The following BMP1 variants were observed in gnomAD, a reference collection of about 807,000 sequenced individuals.
BMP1 encodes the protein bone morphogenetic protein 1, also known as mammalian tolloid protein.
Under a neutral mutation model 116.8 loss-of-function variants are expected in BMP1, and 63 were observed. That is an observed-to-expected ratio of 0.54 (90% CI 0.44 to 0.67). The LOEUF (loss-of-function observed/expected upper bound fraction) is 0.67, where lower values mean the gene tolerates loss of function less well. BMP1 is among the 30% of genes least tolerant of loss of function. The pLI, the probability that BMP1 is intolerant of heterozygous loss-of-function variation, is 0.00. For missense variants in BMP1, 1,183 were observed against 1,358.9 expected, an observed-to-expected ratio of 0.87 and a Z score of 2.04; for synonymous variants, 536 against 533.4, an observed-to-expected ratio of 1.00 and a Z score of -0.07.
chr8:22,192,375 C>A (rs1170258216), intron 9 of BMP1: 1 of 472,496 alleles, frequency 2.1e-6, no homozygotes, highest in Non-Finnish European at 3.9e-6. Context: ...AGTACCCAGT[C>A]CAGACTTCTG....
chr8:22,206,801 C>A, intron 16 of BMP1, 53 bp from the exon 17 acceptor site: 1 of 1,610,502 alleles, frequency 6.2e-7, no homozygotes, highest in South Asian at 1.1e-5. Flanking sequence ...CCACAGGAGG[C>A]ATCGGAGCTT....
intron 13 of BMP1, 129 bp from the exon 14 acceptor site, chr8:22,196,551 C>T (rs1360343682): frequency 4.0e-5 from 56 of 1,403,268 alleles, no homozygotes; most frequent in South Asian, 1.2e-4. Context: ...AGGGACCAGA[C>T]ACAGGTCCCT....
Position 22,192,063 on chromosome 8 carries a change from C to CA in BMP1, c.1093dup (p.Thr365AsnfsTer39). ...TGTTGCCCTAGATCATCCTGAACTT[C>CA]ACGTCCCTGGACCTGTACCGCAGCC... On this transcript the variant is annotated frameshift_variant, in exon 9 of 20. Transcript: ENST00000306385. LOFTEE classifies it high-confidence loss of function. The CA allele has an allele frequency of 6.2e-7, 1 of 1,613,816 alleles. No individual in the cohort carries two copies. Among genetic ancestry groups the CA allele is most frequent in the Non-Finnish European group, 8.5e-7 (1 of 1,179,762 alleles).
chr8:22,185,803 G>A (rs55906921), intron 8 of BMP1, among the ~76,000 whole-genome samples: 1,972 of 146,396 alleles, frequency 0.013, 27 homozygotes, highest in Middle Eastern at 0.057. Context: ...TGTATTTTTA[G>A]CAGAGACAGG....
intron 5 of BMP1, 40 bp downstream of exon 5, chr8:22,177,179 C>G (rs770823194): frequency 1.8e-5 from 27 of 1,521,630 alleles, no homozygotes; most frequent in Non-Finnish European, 2.2e-5. Flanking sequence ...GTGGGCGGCT[C>G]CCGCCCCAGC....
intron 8 of BMP1, among the ~76,000 whole-genome samples, chr8:22,184,514 G>C (rs528216970): frequency 6.6e-6 from 1 of 152,342 alleles, no homozygotes; most frequent in Non-Finnish European, 1.5e-5. Flanking sequence ...ACCAGCCACA[G>C]TCCTGAATGA....
chr8:22,182,190 C>A (rs993642241), intron 8 of BMP1, among the ~76,000 whole-genome samples: 2 of 152,160 alleles, frequency 1.3e-5, no homozygotes, highest in Admixed American at 6.6e-5. Context: ...TTGTTCATTT[C>A]GACATCTCAA....
intron 2 of BMP1, among the ~76,000 whole-genome samples, chr8:22,174,627 C>CTTTTTTTTTTT (rs57781366): frequency 5.6e-5 from 6 of 106,284 alleles, no homozygotes; most frequent in Non-Finnish European, 7.5e-5. Context: ...TTTTTTCTGT[C>CTTTTTTTTTTT]TTTTTTTTTT....
rs1278561511 is a variant in BMP1 at position 22,173,474 on chromosome 8, G to A, written c.149-128G>A. 6.7e-6 allele frequency: 4 copies of A among 595,578 alleles called. No individual in the cohort carries two copies. In the African/African-American group the frequency reaches 7.5e-5, roughly 11 times the overall value. 36.9% of individuals were successfully genotyped at this position (595,578 alleles called of 1,614,324 possible). ...CTGCCCTTCTCCTTCTCGTTCAGAT[G>A]GCATTTGAGGATCACAGTCGCTGTG... On this transcript the variant is annotated intron_variant, in intron 1 of 19. Coordinates refer to ENST00000306385, the MANE Select transcript of BMP1 (RefSeq NM_006129.5).
Position 22,194,954 on chromosome 8 carries a change from G to T in BMP1, c.1639+35G>T, listed in dbSNP as rs758131368. 6.4e-7 allele frequency: 1 copy of T among 1,564,770 alleles called. No individual in the cohort carries two copies. The highest frequency in any genetic ancestry group is 1.4e-5 in the African/African-American group (1 of 73,362). Reference sequence around the variant, plus strand: ...CTGTTACTCTCCCCTGCCCCAAGGTGCCTCGTGACCTTCATCCCTTCTTCA... The same window carrying T: ...CTGTTACTCTCCCCTGCCCCAAGGTTCCTCGTGACCTTCATCCCTTCTTCA... On this transcript the variant is annotated intron_variant, in intron 12 of 19. Coordinates refer to ENST00000306385, the MANE Select transcript of BMP1 (RefSeq NM_006129.5). This position sits in a 1 kb window ranked among gnomAD's most constrained non-coding sequence, Gnocchi z 4.5.
chr8:22,212,075 C>T lies in BMP1; in HGVS notation c.*347C>T, dbSNP rs1829472511. The T allele has an allele frequency of 3.7e-6, 1 of 272,042 alleles. No homozygotes were observed. The highest frequency in any genetic ancestry group is 7.1e-6 in the Non-Finnish European group (1 of 139,908). 16.9% of individuals were successfully genotyped at this position (272,042 alleles called of 1,614,324 possible). ...TGTCTCTACACGCTGTATTGTGTAT[C>T]ACCGGGGGCATTATTTTCATTGTAA... On this transcript the variant is annotated 3_prime_UTR_variant, in exon 20 of 20. Coordinates refer to ENST00000306385, the MANE Select transcript of BMP1 (RefSeq NM_006129.5).
intron 12 of BMP1, among the ~76,000 whole-genome samples, chr8:22,195,259 G>A (rs1390557558): frequency 6.6e-6 from 1 of 152,256 alleles, no homozygotes; most frequent in Non-Finnish European, 1.5e-5. Context: ...AGGATTGAAG[G>A]AGAAATGAAA....
chr8:22,165,882 CGTGTGTGTGTGTGTGT>C (rs149003237), intron 1 of BMP1, among the ~76,000 whole-genome samples: 104 of 131,418 alleles, frequency 7.9e-4, no homozygotes, highest in African/African-American at 2.8e-3. Flanking sequence ...CCTGTGCGTG[CGTGTGTGTGTGTGTGT>C]GTGTGTGTGT....
At position 22,179,267 on chromosome 8, in the gene BMP1, G is replaced by A. The variant is rs1828542849; in HGVS notation, c.837-438G>A. Reference sequence around the variant, plus strand: ...CAGATGCAGCCTGTGCCAGCAGGGTGAGGAGCTGGCCTGGGGAGTCCTGGG... The same window carrying A: ...CAGATGCAGCCTGTGCCAGCAGGGTAAGGAGCTGGCCTGGGGAGTCCTGGG... On this transcript the variant is annotated intron_variant, in intron 6 of 19. Transcript: ENST00000306385. This position sits in a 1 kb window ranked among gnomAD's most constrained non-coding sequence, Gnocchi z 4.6. 6.6e-6 allele frequency among the ~76,000 whole-genome samples: 1 copy of A among 152,260 alleles called. No individual in the cohort carries two copies. The highest frequency in any genetic ancestry group is 1.5e-5 in the Non-Finnish European group (1 of 68,052).
rs75202363 is a variant in BMP1, at chr8:22,211,772, G to C, written c.*44G>C. On this transcript the variant is annotated 3_prime_UTR_variant, in exon 20 of 20. Transcript: ENST00000306385. ...CGGGGACTGGAGCCTGCTGCCCTTG[G>C]TCGCCTAGACTGGATAGTGGGGGTG... The C allele has an allele frequency of 0.013, 21,734 of 1,613,512 alleles. 198 individuals are homozygous for C. The highest frequency in any genetic ancestry group is 0.017 in the Non-Finnish European group (19,563 of 1,179,858).
rs768807192 is a variant in BMP1, at chr8:22,187,497, ATTTTTTT to A, written c.1078-4533_1078-4527del. Among the ~76,000 whole-genome samples, 71 of 104,418 alleles carry A rather than the reference ATTTTTTT, an allele frequency of 6.8e-4. 1 individual carries two copies. The highest frequency in any genetic ancestry group is 1.9e-3 in the African/African-American group (44 of 23,432). The allele number at this position is 104,418 out of a possible 152,430, so 68.5% of individuals were successfully genotyped here. ...AGGAGCCCGCCACCACGCCCGGCTAATTTTTTTTTTTTTTTTTTTTTTTTTGTATTTT... is the reference window on the plus strand; with the variant it reads ...AGGAGCCCGCCACCACGCCCGGCTAATTTTTTTTTTTTTTTTTTGTATTTT... On this transcript the variant is annotated intron_variant, in intron 8 of 19. Coordinates refer to ENST00000306385, the MANE Select transcript of BMP1 (RefSeq NM_006129.5).
chr8:22,199,295 A>G (rs1296743318), intron 15 of BMP1: 6 of 1,365,958 alleles, frequency 4.4e-6, no homozygotes, highest in South Asian at 1.1e-5. Flanking sequence ...TGGGACACCC[A>G]CCGAGGAGAC....
At chr8:22,196,910 T>C (rs1482611675) in intron 14 of BMP1, 70 bp downstream of exon 14, 44 of 1,519,792 alleles carry the variant, frequency 2.9e-5, no homozygotes, top group Non-Finnish European at 3.8e-5. Context: ...CAGTGCCTGC[T>C]TCCTGTCCTC....
At chr8:22,186,431 T>G (rs1215625135) in intron 8 of BMP1, among the ~76,000 whole-genome samples, 1 of 152,168 alleles carries the variant, frequency 6.6e-6, no homozygotes, top group Non-Finnish European at 1.5e-5. Context: ...CTTGGGGAAG[T>G]TGCTTAACCT....
Sources: allele counts gnomAD v4.1 joint callset (sites outside exome capture counted in the v4.1 genomes callset), GRCh38; gene constraint gnomAD v4.1.1; non-coding constraint Gnocchi (gnomAD v3.1); transcripts MANE v1.5; gene names NCBI Gene and HGNC (gene_info 2026-07-23, HGNC 2026-07-21).